Variants in GOLGA5 observed in about 807,000 individuals in gnomAD.
The protein encoded by GOLGA5 is golgin A5.
GOLGA5 carries 50 observed loss-of-function variants against 93.5 expected under a neutral mutation model. The ratio of observed to expected loss-of-function variants is 0.53; its 90% confidence interval spans 0.43 to 0.68. GOLGA5 has a LOEUF of 0.68. Ranked by LOEUF, GOLGA5 falls within the 30% of genes least tolerant of loss-of-function variation. The pLI is 0.00. For missense variants in GOLGA5, 760 were observed against 856.4 expected, an observed-to-expected ratio of 0.89 and a Z score of 1.40; for synonymous variants, 312 against 304.5, an observed-to-expected ratio of 1.02 and a Z score of -0.26.
At chr14:92,806,646 C>A in intron 2 of GOLGA5, 90 bp from the exon 3 acceptor site, 1 of 825,872 alleles carries the variant, frequency 1.2e-6, no homozygotes, top group Non-Finnish European at 2.0e-6. Flanking sequence ...TTAGCTGTAG[C>A]AGTCAACTTG....
rs919084207 is a variant in GOLGA5 at position 92,799,955 on chromosome 14, G to C, written c.544+1974G>C. 6.6e-5 allele frequency among the ~76,000 whole-genome samples: 10 copies of C among 152,106 alleles called. 1 individual carries two copies. The highest frequency in any genetic ancestry group is 5.9e-4 in the Admixed American group (9 of 15,280). On this transcript the variant is annotated intron_variant, in intron 2 of 12. Transcript: ENST00000163416. ...ATTGATGGGAGATTGTCATGTTCTT[G>C]GATGTTATAGCTTCTTTCATTGTCT...
intron 2 of GOLGA5, among the ~76,000 whole-genome samples, chr14:92,805,531 C>T (rs1443872008): frequency 1.3e-5 from 2 of 152,106 alleles, no homozygotes; most frequent in Non-Finnish European, 1.5e-5. Flanking sequence ...CTGGGTGAAA[C>T]GGTAGCTGCA....
At chr14:92,814,591 TA>T (rs1432257286) in intron 6 of GOLGA5, among the ~76,000 whole-genome samples, 2 of 152,152 alleles carry the variant, frequency 1.3e-5, no homozygotes, top group Admixed American at 1.3e-4. Context: ...TAAAATGTTA[TA>T]AATGATCATG....
Position 92,809,368 on chromosome 14 carries a change from C to G in GOLGA5, c.841C>G (p.Arg281Gly). ...ADHSKSDRMTRGLRAQVDDLT... is the reference protein window; with the variant it reads ...ADHSKSDRMTGGLRAQVDDLT... ...CCATTCAAAGAGTGATCGAATGACT[C>G]GAGGACTCCGAGCCCAAGTAGATGA... is the stretch of plus-strand genomic sequence containing the variant. The change falls in exon 4 of 13, where the codon CGA becomes GGA. Residue 281 changes from arginine (R) to glycine (G), a missense_variant. Coordinates refer to ENST00000163416, the MANE Select transcript of GOLGA5 (RefSeq NM_005113.4). 6.2e-7 allele frequency: 1 copy of G among 1,613,232 alleles called. No homozygotes were observed. Among genetic ancestry groups the G allele is most frequent in the Non-Finnish European group, 8.5e-7 (1 of 1,179,230 alleles).
Position 92,811,733 on chromosome 14 carries a change from A to C in GOLGA5, c.1299A>C (p.Gln433His). The change falls in exon 6 of 13, where the codon CAA (glutamine) becomes CAC (histidine). Residue 433 changes from glutamine to histidine, a missense_variant. Physicochemically the swap from Gln to His is conservative, Grantham distance 24 (BLOSUM62 0). Coordinates refer to ENST00000163416, the MANE Select transcript of GOLGA5 (RefSeq NM_005113.4). Reference sequence around the variant, plus strand: ...AGCAGGAATTAATTGACTACAAGCAAAAAGCTACTAGAATACTGCAAGTAA... The same window carrying C: ...AGCAGGAATTAATTGACTACAAGCACAAAGCTACTAGAATACTGCAAGTAA... ...SSKQELIDYK[Q>H]KATRILQSKE... 1 of 1,611,254 alleles carries C rather than the reference A, an allele frequency of 6.2e-7. No individual in the cohort carries two copies. Among genetic ancestry groups the C allele is most frequent in the Non-Finnish European group, 8.5e-7 (1 of 1,177,670 alleles).
At chr14:92,834,393 C>A (rs189162559) in intron 10 of GOLGA5, among the ~76,000 whole-genome samples, 1 of 149,326 alleles carries the variant, frequency 6.7e-6, no homozygotes, top group African/African-American at 2.5e-5. Flanking sequence ...GTGTGATGTT[C>A]CCCTTCCTGT....
At chr14:92,805,860 C>T (rs907759677) in intron 2 of GOLGA5, among the ~76,000 whole-genome samples, 5 of 151,348 alleles carry the variant, frequency 3.3e-5, no homozygotes, top group Admixed American at 6.6e-5. Flanking sequence ...ATTTTCATCA[C>T]ATAATTTTTA....
At position 92,837,450 on chromosome 14, in the gene GOLGA5, G is replaced by A. The variant is rs1301318704; in HGVS notation, c.2115+1G>A. The stretch of plus-strand genomic sequence containing the variant: ...GCGAGTTTTTGTAATTATATATATG[G>A]TAAGTAAATTTATTTGAAAAAACAA... On this transcript the variant is annotated splice_donor_variant, in intron 12 of 12. Transcript: ENST00000163416. LOFTEE classifies it high-confidence loss of function. The A allele has an allele frequency of 7.6e-7, 1 of 1,312,258 alleles. No individual in the cohort carries two copies. The highest frequency in any genetic ancestry group is 1.7e-5 in the Admixed American group (1 of 57,516). 81.3% of individuals were successfully genotyped at this position (1,312,258 alleles called of 1,614,324 possible).
intron 4 of GOLGA5, 93 bp downstream of exon 4, chr14:92,809,612 A>C: frequency 4.0e-6 from 3 of 753,654 alleles, no homozygotes; most frequent in Non-Finnish European, 6.7e-6. Context: ...TTGGAAATTT[A>C]CAAGAGGGAA....
intron 2 of GOLGA5, among the ~76,000 whole-genome samples, chr14:92,805,424 A>G (rs1263584845): frequency 6.6e-6 from 1 of 151,984 alleles, no homozygotes; most frequent in African/African-American, 2.4e-5. Flanking sequence ...CCAGTTTTGG[A>G]TTATTGTGAA....
chr14:92,808,196 G>A (rs904966043), intron 3 of GOLGA5, among the ~76,000 whole-genome samples: 55 of 151,764 alleles, frequency 3.6e-4, no homozygotes, highest in African/African-American at 1.3e-3. Flanking sequence ...GCAGTGAGCC[G>A]AGATCGTGCC....
At chr14:92,833,993 CTT>C (rs763505759) in intron 10 of GOLGA5, among the ~76,000 whole-genome samples, 2 of 131,756 alleles carry the variant, frequency 1.5e-5, no homozygotes, top group Non-Finnish European at 1.7e-5. Flanking sequence ...AGTGTCACTT[CTT>C]TTTTTTTTTT....
At chr14:92,809,235 T>C in intron 3 of GOLGA5, 65 bp from the exon 4 acceptor site, 1 of 1,066,338 alleles carries the variant, frequency 9.4e-7, no homozygotes, top group South Asian at 1.4e-5. Context: ...AAGTAGAAAC[T>C]GTACGTGCTC....
rs115703231 is a variant in GOLGA5 at position 92,828,926 on chromosome 14, C to A, written c.1720-4196C>A. Among the ~76,000 whole-genome samples the A allele has an allele frequency of 2.6e-3, 402 of 152,210 alleles. 2 individuals carry two copies. Among genetic ancestry groups the A allele is most frequent in the African/African-American group, 9.2e-3 (381 of 41,504 alleles). ...TCAACCAATCCACCTGCGTCAGCGTCCCAAGTGCTGAGATTACAGGCATGA... is the reference window on the plus strand; with the variant it reads ...TCAACCAATCCACCTGCGTCAGCGTACCAAGTGCTGAGATTACAGGCATGA... On this transcript the variant is annotated intron_variant, in intron 9 of 12. Coordinates refer to ENST00000163416, the MANE Select transcript of GOLGA5 (RefSeq NM_005113.4).
chr14:92,815,329 C>G (rs958184732), intron 6 of GOLGA5, among the ~76,000 whole-genome samples: 4 of 152,302 alleles, frequency 2.6e-5, no homozygotes, highest in African/African-American at 9.6e-5. Context: ...GTGGTTTTTC[C>G]TCTCAGAACT....
At chr14:92,819,052 A>G (rs890298040) in intron 7 of GOLGA5, among the ~76,000 whole-genome samples, 3 of 152,226 alleles carry the variant, frequency 2.0e-5, no homozygotes, top group African/African-American at 7.2e-5. Flanking sequence ...ATGCACACCA[A>G]AACTAATTAT....
At position 92,819,820 on chromosome 14, in the gene GOLGA5, T is replaced by C. The variant is rs746000642; in HGVS notation, c.1604T>C (p.Leu535Pro). 6.2e-7 allele frequency: 1 copy of C among 1,613,968 alleles called. No individual in the cohort carries two copies. Among genetic ancestry groups the C allele is most frequent in the Non-Finnish European group, 8.5e-7 (1 of 1,179,922 alleles). Residue 535 changes from leucine (L) to proline (P), a missense_variant, in exon 8 of 13, where the codon CTG (leucine) becomes CCG (proline). Physicochemically the swap from Leu to Pro is moderately conservative, Grantham distance 98 (BLOSUM62 -3). Coordinates refer to ENST00000163416, the MANE Select transcript of GOLGA5 (RefSeq NM_005113.4). ...KASKQELETE[L>P]ERLKQEFHYI... ...TCCAAACAAGAACTAGAGACAGAAC[T>C]GGAGCGACTGAAGCAGGTCAGGATT...
At chr14:92,819,379 C>T (rs1210092803) in intron 7 of GOLGA5, among the ~76,000 whole-genome samples, 3 of 151,824 alleles carry the variant, frequency 2.0e-5, no homozygotes, top group Admixed American at 6.6e-5. Flanking sequence ...TGTGGCTCAA[C>T]ACCTGTAATC....
At chr14:92,830,760 C>T (rs538925257) in intron 9 of GOLGA5, among the ~76,000 whole-genome samples, 9 of 152,166 alleles carry the variant, frequency 5.9e-5, no homozygotes, top group Non-Finnish European at 8.8e-5. Context: ...CCACCACACT[C>T]GGCTAATTTG....
Sources: allele counts gnomAD v4.1 joint callset (sites outside exome capture counted in the v4.1 genomes callset), GRCh38; gene constraint gnomAD v4.1.1; transcripts MANE v1.5; gene names NCBI Gene and HGNC (gene_info 2026-07-23, HGNC 2026-07-21).